CUX1: variants seen among roughly 807,000 people sequenced by gnomAD.
CUX1 encodes the protein cut like homeobox 1, also known as protein CASP.
A neutral mutation model predicts 158.8 loss-of-function variants in CUX1; 31 were observed. That is an observed-to-expected ratio of 0.20 (90% CI 0.15 to 0.26). The LOEUF (loss-of-function observed/expected upper bound fraction) is 0.26, where lower values mean the gene tolerates loss of function less well. Among genes scored for constraint, CUX1 ranks in the 10% least tolerant of loss-of-function variants. The pLI is 1.00. For missense variants in CUX1, 1,589 were observed against 2,014.6 expected (o/e 0.79, Z 4.04); for synonymous variants, 879 against 862.1 (o/e 1.02, Z -0.34).
intron 4 of CUX1, among the ~76,000 whole-genome samples, chr7:102,073,438 G>A (rs370731699): frequency 1.8e-4 from 27 of 152,026 alleles, no homozygotes; most frequent in African/African-American, 6.5e-4. Context: ...CTCCCAAAGC[G>A]CTAGGATTAC....
chr7:101,964,661 G>A (rs1053196319), intron 2 of CUX1, among the ~76,000 whole-genome samples: 1 of 152,164 alleles, frequency 6.6e-6, no homozygotes, highest in Admixed American at 6.5e-5. Flanking sequence ...GATTTGGGTG[G>A]TTTTGCACTG....
intron 14 of CUX1, among the ~76,000 whole-genome samples, chr7:102,196,278 C>T (rs1373369594): frequency 6.6e-6 from 1 of 152,224 alleles, no homozygotes; most frequent in Non-Finnish European, 1.5e-5. Flanking sequence ...GCTGCTCCTC[C>T]GGCCGGGGCC....
Position 102,202,198 on chromosome 7 carries a change from G to A in CUX1, c.2901G>A (p.Gly967=), listed in dbSNP as rs782695065. The change falls in exon 18 of 24, where the codon GGG becomes GGA. Residue 967 remains glycine, a synonymous_variant. Coordinates refer to ENST00000292535, the MANE Select transcript of CUX1 (RefSeq NM_181552.4). Reference sequence around the variant, plus strand: ...ACGGCATCTGCCAGAGAATCTTCGGGGAGAAGGTAAGGGATCTGCTCTGGG... The same window carrying A: ...ACGGCATCTGCCAGAGAATCTTCGGAGAGAAGGTAAGGGATCTGCTCTGGG... ...AKNGICQRIF[G]EKVLGLSQGS... 1.1e-5 allele frequency: 18 copies of A among 1,603,080 alleles called. No individual in the cohort carries two copies. The highest frequency in any genetic ancestry group is 3.4e-5 in the Admixed American group (2 of 59,446).
chr7:101,923,297 C>T (rs1046916008), intron 2 of CUX1, among the ~76,000 whole-genome samples: 2 of 152,222 alleles, frequency 1.3e-5, no homozygotes, highest in Admixed American at 6.5e-5. Flanking sequence ...CTGTGTTAGG[C>T]TTGCTTCCAG....
At position 101,890,723 on chromosome 7, in the gene CUX1, T is replaced by C. The variant is rs139250834; in HGVS notation, c.31-25392T>C. On this transcript the variant is annotated intron_variant, in intron 1 of 23. Transcript: ENST00000292535. ...CTGGGACACAAATCTACCCTTCCAT[T>C]TTCTGAATTGTATTCATTCAAACTC... 7.9e-5 allele frequency among the ~76,000 whole-genome samples: 12 copies of C among 152,270 alleles called. No individual in the cohort carries two copies. The East Asian group carries it at 2.3e-3, about 29-fold the overall frequency.
intron 3 of CUX1, among the ~76,000 whole-genome samples, chr7:102,063,383 CTTTTTTTTTTTTTT>C (rs11368644): frequency 4.5e-5 from 4 of 89,272 alleles, no homozygotes; most frequent in Non-Finnish European, 4.1e-5. Context: ...ATTTCCTTTT[CTTTTTTTTTTTTTT>C]TTTTTTTTTG....
intron 2 of CUX1, among the ~76,000 whole-genome samples, chr7:101,926,109 G>T (rs1294190665): frequency 6.6e-6 from 1 of 152,094 alleles, no homozygotes; most frequent in Non-Finnish European, 1.5e-5. Context: ...TTTTGCAGGG[G>T]GCAGTTTGGT....
At chr7:102,232,279 G>C (rs1403571206) in intron 21 of CUX1, among the ~76,000 whole-genome samples, 1 of 152,076 alleles carries the variant, frequency 6.6e-6, no homozygotes, top group Non-Finnish European at 1.5e-5. Context: ...CCAGGAGCTC[G>C]AGTCCAGCCT....
Position 102,248,438 on chromosome 7 carries a change from T to C in CUX1, c.3914T>C (p.Ile1305Thr). 6.3e-7 allele frequency: 1 copy of C among 1,598,134 alleles called. No individual in the cohort carries two copies. The part of the protein sequence containing the change: ...YRSRIRRELF[I>T]EEIQAGSQGQ... ...TCTCGGATCCGCAGAGAACTGTTCA[T>C]TGAGGAAATTCAGGCCGGGAGTCAG... is the stretch of plus-strand genomic sequence containing the variant. The change falls in exon 24 of 24, where the codon ATT becomes ACT. Residue 1305 changes from isoleucine (I) to threonine (T), a missense_variant. Around this residue, in one of 8 missense-constraint regions of CUX1, gnomAD observed 344 missense variants for 323.7 expected, o/e 1.06. Coordinates refer to ENST00000292535, the MANE Select transcript of CUX1 (RefSeq NM_181552.4). This position sits in a 1 kb window ranked among gnomAD's most constrained non-coding sequence, Gnocchi z 5.8.
intron 3 of CUX1, among the ~76,000 whole-genome samples, chr7:102,064,875 G>T (rs1036208481): frequency 6.6e-6 from 1 of 152,202 alleles, no homozygotes; most frequent in Non-Finnish European, 1.5e-5. Flanking sequence ...CCCAGCTCGA[G>T]GTCTGGAGGA....
At chr7:101,876,292 C>A (rs1799123179) in intron 1 of CUX1, among the ~76,000 whole-genome samples, 1 of 146,362 alleles carries the variant, frequency 6.8e-6, no homozygotes, top group South Asian at 2.2e-4. Context: ...TTGCAGTGAG[C>A]CGAGATGGTG....
intron 3 of CUX1, among the ~76,000 whole-genome samples, chr7:102,055,283 A>G (rs189452516): frequency 6.6e-6 from 1 of 151,814 alleles, no homozygotes; most frequent in Non-Finnish European, 1.5e-5. Context: ...TTTTACAGGG[A>G]TACTTTGTTG....
At chr7:102,184,313 C>T (rs1218928251) in intron 11 of CUX1, among the ~76,000 whole-genome samples, 1 of 152,242 alleles carries the variant, frequency 6.6e-6, no homozygotes, top group East Asian at 1.9e-4. Context: ...TTCAAATAGA[C>T]AATTCTTCTG....
At chr7:102,142,908 C>A (rs1834619252) in intron 8 of CUX1, among the ~76,000 whole-genome samples, 1 of 152,112 alleles carries the variant, frequency 6.6e-6, no homozygotes, top group Admixed American at 6.5e-5. Context: ...GGCAACAGAG[C>A]AAGACCCATC....
chr7:101,912,529 T>G, intron 1 of CUX1, among the ~76,000 whole-genome samples: 1 of 152,146 alleles, frequency 6.6e-6, no homozygotes, highest in East Asian at 1.9e-4. Context: ...AGCTAGATAA[T>G]GCATCCAAAT....
chr7:102,065,012 A>T lies in CUX1; in HGVS notation c.190-5327A>T, dbSNP rs924450716. On this transcript the variant is annotated intron_variant, in intron 3 of 23. Transcript: ENST00000292535. ...ACTGGCTGCAGCAGGGAAGTCACAC[A>T]AAGGGACAACCTACCACAGACTGGG... 1.1e-4 allele frequency among the ~76,000 whole-genome samples: 17 copies of T among 152,304 alleles called. No homozygotes were observed. The East Asian group carries it at 2.7e-3, about 24-fold the overall frequency.
intron 2 of CUX1, among the ~76,000 whole-genome samples, chr7:102,024,872 G>A (rs776878799): frequency 9.9e-5 from 15 of 152,228 alleles, no homozygotes; most frequent in Non-Finnish European, 1.8e-4. Context: ...TGCTGCTGTC[G>A]CAACCTGCCA....
At chr7:102,219,558 G>A (rs953466738) in intron 20 of CUX1, among the ~76,000 whole-genome samples, 3 of 152,200 alleles carry the variant, frequency 2.0e-5, no homozygotes, top group Admixed American at 6.5e-5. Flanking sequence ...TTGGACCTTC[G>A]CGTCGGCCCC....
At chr7:101,971,539 A>G (rs1247527400) in intron 2 of CUX1, among the ~76,000 whole-genome samples, 1 of 152,230 alleles carries the variant, frequency 6.6e-6, no homozygotes, top group African/African-American at 2.4e-5. Flanking sequence ...AACCAGAATT[A>G]GACAACTATC....
Sources: gnomAD v4.1 joint callset for allele counts (sites outside exome capture counted in the v4.1 genomes callset) on GRCh38, gnomAD v4.1.1 for gene constraint, gnomAD v4.1.1 regional missense constraint, Gnocchi (gnomAD v3.1) non-coding constraint, MANE v1.5 for transcripts, NCBI Gene and HGNC (gene_info 2026-07-23, HGNC 2026-07-21) for gene names.